TRAPPC9: variants seen among roughly 807,000 people sequenced by gnomAD.
TRAPPC9 encodes trafficking protein particle complex subunit 9.
Under a neutral mutation model 124.0 loss-of-function variants are expected in TRAPPC9, and 83 were observed. The ratio of observed to expected loss-of-function variants is 0.67; its 90% CI spans 0.56 to 0.80. The LOEUF (loss-of-function observed/expected upper bound fraction) is 0.80, where lower values mean the gene tolerates loss of function less well. Ranked by LOEUF, TRAPPC9 falls within the 30% of genes least tolerant of loss-of-function variation. The probability of loss-of-function intolerance (pLI) is 0.00; values close to 1 mark genes in which losing one functional copy is unlikely to be tolerated. For synonymous variants in TRAPPC9, 638 were observed against 617.5 expected (o/e 1.03, Z -0.49); for missense variants, 1,302 against 1,508.3 (o/e 0.86, Z 2.27).
chr8:140,107,677 G>C (rs926708238), intron 17 of TRAPPC9, among the ~76,000 whole-genome samples: 1 of 152,202 alleles, frequency 6.6e-6, no homozygotes, highest in South Asian at 2.1e-4. Context: ...CATGGCCAAG[G>C]CTTACAGGCG....
In TRAPPC9 at chr8:139,742,174, CTG is replaced by C. The variant is rs546166089; in HGVS notation, c.3056-9974_3056-9973del. Among the ~76,000 whole-genome samples, 11 of 152,346 alleles carry C rather than the reference CTG, an allele frequency of 7.2e-5. No homozygotes were observed. In the South Asian group the frequency reaches 2.3e-3, roughly 32 times the overall value. On this transcript the variant is annotated intron_variant, in intron 21 of 22. Coordinates refer to ENST00000438773, the MANE Select transcript of TRAPPC9 (RefSeq NM_001160372.4). The surrounding 1 kb of genome is among the most constrained non-coding windows in gnomAD (Gnocchi z 4.7). Reference sequence around the variant, plus strand: ...TGACTGCTCCACGCCTTCTATGGCACTGTGGTTGCCTGGCTCTGGTTCACCCA... The same window carrying C: ...TGACTGCTCCACGCCTTCTATGGCACTGGTTGCCTGGCTCTGGTTCACCCA...
chr8:140,009,032 T>C (rs1838947097), intron 18 of TRAPPC9, among the ~76,000 whole-genome samples: 1 of 152,210 alleles, frequency 6.6e-6, no homozygotes, highest in Non-Finnish European at 1.5e-5. Context: ...CTGTTTCTAT[T>C]TTTAGTCATC....
intron 17 of TRAPPC9, among the ~76,000 whole-genome samples, chr8:140,196,023 G>T (rs1291872980): frequency 7.0e-6 from 1 of 142,412 alleles, no homozygotes; most frequent in Non-Finnish European, 1.5e-5. Flanking sequence ...CCACTGTACA[G>T]CTCACACCTG....
intron 9 of TRAPPC9, among the ~76,000 whole-genome samples, chr8:140,321,402 G>C (rs1029170692): frequency 6.6e-6 from 1 of 152,238 alleles, no homozygotes; most frequent in Non-Finnish European, 1.5e-5. Context: ...CAAAAGCAGA[G>C]TTGCTGTTCA....
chr8:140,436,557 T>G (rs2070820889), intron 3 of TRAPPC9, among the ~76,000 whole-genome samples: 3 of 152,174 alleles, frequency 2.0e-5, no homozygotes, highest in African/African-American at 7.2e-5. Flanking sequence ...CTAAGTAGCT[T>G]GTGGACAACT....
chr8:140,321,578 C>T (rs1384284405), intron 9 of TRAPPC9, among the ~76,000 whole-genome samples: 2 of 152,138 alleles, frequency 1.3e-5, no homozygotes, highest in African/African-American at 4.8e-5. Flanking sequence ...GAGACAGGGC[C>T]CAACAGCTGC....
chr8:139,909,423 C>G (rs1831567986), intron 20 of TRAPPC9, among the ~76,000 whole-genome samples: 1 of 152,156 alleles, frequency 6.6e-6, no homozygotes, highest in South Asian at 2.1e-4. Context: ...CCTTCGCTCC[C>G]CAACAGTGCT....
chr8:139,787,731 C>T (rs777836212), intron 21 of TRAPPC9, among the ~76,000 whole-genome samples: 3 of 152,156 alleles, frequency 2.0e-5, no homozygotes, highest in Admixed American at 6.5e-5. Flanking sequence ...TGTCCGGGGT[C>T]GGTGCTACCT....
At chr8:140,115,123 C>T (rs2060854494) in intron 17 of TRAPPC9, among the ~76,000 whole-genome samples, 1 of 152,140 alleles carries the variant, frequency 6.6e-6, no homozygotes, top group Non-Finnish European at 1.5e-5. Flanking sequence ...CCCACAGACA[C>T]CGAAATCCTT....
chr8:140,273,267 C>T (rs1257019519), intron 15 of TRAPPC9, among the ~76,000 whole-genome samples: 1 of 152,226 alleles, frequency 6.6e-6, no homozygotes. Flanking sequence ...CCTCCCTCCT[C>T]GCACTTCCTG....
chr8:139,835,100 C>T lies in TRAPPC9; in HGVS notation c.3055+50779G>A, dbSNP rs192920174. On this transcript the variant is annotated intron_variant, in intron 21 of 22. Coordinates refer to ENST00000438773, the MANE Select transcript of TRAPPC9 (RefSeq NM_001160372.4). ...GGCAGGTTTCTGTTGACTGGGTTTT[C>T]GCTGTTAATGAATGCGACCTTGGGT... Among the ~76,000 whole-genome samples, 466 of 152,256 alleles carry T rather than the reference C, an allele frequency of 3.1e-3. 6 individuals are homozygous for T. Among genetic ancestry groups the T allele is most frequent in the African/African-American group, 0.011 (446 of 41,548 alleles).
At chr8:140,314,692 G>A (rs1363908192) in intron 9 of TRAPPC9, among the ~76,000 whole-genome samples, 1 of 152,124 alleles carries the variant, frequency 6.6e-6, no homozygotes, top group Non-Finnish European at 1.5e-5. Flanking sequence ...GACCATGAGG[G>A]ATTTGTCTTT....
intron 21 of TRAPPC9, among the ~76,000 whole-genome samples, chr8:139,747,080 A>T (rs1818948989): frequency 6.6e-6 from 1 of 152,228 alleles, no homozygotes; most frequent in Non-Finnish European, 1.5e-5. Flanking sequence ...CAGAGAATTT[A>T]AAATGACTCC....
chr8:139,763,084 T>C (rs1467515115), intron 21 of TRAPPC9, among the ~76,000 whole-genome samples: 1 of 152,212 alleles, frequency 6.6e-6, no homozygotes, highest in Non-Finnish European at 1.5e-5. Context: ...TGAACAGGAA[T>C]AATTCCCCCA....
intron 17 of TRAPPC9, among the ~76,000 whole-genome samples, chr8:140,136,560 G>A (rs1385794145): frequency 1.3e-5 from 2 of 152,188 alleles, no homozygotes; most frequent in East Asian, 1.9e-4. Flanking sequence ...CAGTCTGGCT[G>A]GGCACGGTGG....
chr8:140,234,055 T>C (rs914633826), intron 16 of TRAPPC9, among the ~76,000 whole-genome samples: 4 of 152,298 alleles, frequency 2.6e-5, no homozygotes, highest in South Asian at 4.2e-4. Context: ...CAATTAATAA[T>C]GAGTCATTGA....
At chr8:139,960,062 G>C (rs1351272971) in intron 19 of TRAPPC9, among the ~76,000 whole-genome samples, 4 of 152,230 alleles carry the variant, frequency 2.6e-5, no homozygotes, top group Non-Finnish European at 5.9e-5. Context: ...TAGTCACGAG[G>C]AATCATTTTT....
intron 20 of TRAPPC9, among the ~76,000 whole-genome samples, chr8:139,896,561 C>T (rs1830682897): frequency 6.6e-6 from 1 of 152,218 alleles, no homozygotes; most frequent in Non-Finnish European, 1.5e-5. Context: ...GCCAGTGCCG[C>T]TAGCAAGTGG....
At chr8:140,171,800 T>C (rs2130949008) in intron 17 of TRAPPC9, among the ~76,000 whole-genome samples, 1 of 152,298 alleles carries the variant, frequency 6.6e-6, no homozygotes, top group Non-Finnish European at 1.5e-5. Flanking sequence ...CTAATATTTA[T>C]ACTTTTTAGT....
Sources: gnomAD v4.1 joint callset for allele counts (sites outside exome capture counted in the v4.1 genomes callset) on GRCh38, gnomAD v4.1.1 for gene constraint, Gnocchi (gnomAD v3.1) non-coding constraint, MANE v1.5 for transcripts, NCBI Gene and HGNC (gene_info 2026-07-23, HGNC 2026-07-21) for gene names.